Variants in TSPAN7 observed in about 807,000 individuals in gnomAD.
TSPAN7 encodes tetraspanin-7.
TSPAN7 carries 1 observed loss-of-function variant against 17.6 expected under a neutral mutation model. That is an observed-to-expected ratio of 0.06 (90% CI 0.02 to 0.27). The LOEUF is 0.27. TSPAN7 is among the 10% of genes least tolerant of loss of function. The probability of loss-of-function intolerance (pLI) is 1.00; values close to 1 mark genes in which losing one functional copy is unlikely to be tolerated. For missense variants in TSPAN7, 112 were observed against 201.7 expected (o/e 0.56, Z 2.69); for synonymous variants, 78 against 79.0 (o/e 0.99, Z 0.07).
chrX:38,680,310 G>GGT (rs1556002315), intron 5 of TSPAN7, among the ~76,000 whole-genome samples: 1 of 107,916 alleles, frequency 9.3e-6, no homozygotes, highest in Admixed American at 9.8e-5. Context: ...AACATGGCTG[G>GGT]TTTTTTTTTT....
At chrX:38,615,611 G>A (rs895132222) in intron 1 of TSPAN7, among the ~76,000 whole-genome samples, 3 of 111,677 alleles carry the variant, frequency 2.7e-5, no homozygotes, top group Non-Finnish European at 5.7e-5. Flanking sequence ...TTACTGTATT[G>A]GTTTTCAAAT....
At chrX:38,576,292 G>A (rs1264269886) in intron 1 of TSPAN7, among the ~76,000 whole-genome samples, 2 of 111,505 alleles carry the variant, frequency 1.8e-5, no homozygotes, top group Non-Finnish European at 3.8e-5. Context: ...ATGAAGAAAG[G>A]CTCATGATTT....
intron 1 of TSPAN7, chrX:38,612,707 C>G (rs375114281): frequency 2.1e-4 from 23 of 111,940 alleles, no homozygotes; most frequent in African/African-American, 7.5e-4. Flanking sequence ...AATGTCTATT[C>G]TACTATCATA....
intron 1 of TSPAN7, among the ~76,000 whole-genome samples, chrX:38,655,360 C>A (rs1038802786): frequency 5.4e-5 from 6 of 111,025 alleles, no homozygotes; most frequent in African/African-American, 2.0e-4. Context: ...TTTCATAGTA[C>A]TCTGTCAATA....
At chrX:38,661,631 C>T (rs1286840668) in intron 1 of TSPAN7, among the ~76,000 whole-genome samples, 1 of 111,812 alleles carries the variant, frequency 8.9e-6, no homozygotes, top group Non-Finnish European at 1.9e-5. Context: ...TATCCACGGT[C>T]TCCTATCTCT....
In TSPAN7 at chrX:38,638,032, A is replaced by C. The variant is rs373922258; in HGVS notation, c.82-28089A>C. Among the ~76,000 whole-genome samples, 3 of 109,671 alleles carry C rather than the reference A, an allele frequency of 2.7e-5. No homozygotes were observed. In the East Asian group the frequency reaches 8.6e-4, roughly 31 times the overall value. On this transcript the variant is annotated intron_variant, in intron 1 of 7. Transcript: ENST00000378482. ...GGCAGCCACCCATGATTGGCCTATT[A>C]ATGAAAGTGTTAAGGATTCCACACT... is the stretch of plus-strand genomic sequence containing the variant.
chrX:38,681,002 G>A (rs1362872808), intron 5 of TSPAN7, among the ~76,000 whole-genome samples: 1 of 112,088 alleles, frequency 8.9e-6, no homozygotes, highest in Non-Finnish European at 1.9e-5. Context: ...GAAGGGTCAT[G>A]TGTCTCTGTA....
At chrX:38,676,729 G>A (rs2069856151) in intron 5 of TSPAN7, among the ~76,000 whole-genome samples, 1 of 111,845 alleles carries the variant, frequency 8.9e-6, no homozygotes, top group African/African-American at 3.2e-5. Flanking sequence ...ACCAGCTACT[G>A]AATAATTCAG....
chrX:38,617,610 G>A (rs1465157260), intron 1 of TSPAN7, among the ~76,000 whole-genome samples: 4 of 112,357 alleles, frequency 3.6e-5, no homozygotes, highest in South Asian at 7.4e-4. Flanking sequence ...AGACTGGTTC[G>A]GTAGGTCTCA....
At chrX:38,614,454 A>C (rs1247476686) in intron 1 of TSPAN7, among the ~76,000 whole-genome samples, 2 of 112,665 alleles carry the variant, frequency 1.8e-5, no homozygotes, top group Non-Finnish European at 3.7e-5. Context: ...TTGTGTTTTG[A>C]AACCCTGTGA....
intron 2 of TSPAN7, among the ~76,000 whole-genome samples, chrX:38,667,244 T>C (rs2069789187): frequency 8.9e-6 from 1 of 112,096 alleles, no homozygotes; most frequent in African/African-American, 3.2e-5. Flanking sequence ...AAGGGCAGAC[T>C]ATTGAAAGGC....
chrX:38,642,612 C>T (rs1397027777), intron 1 of TSPAN7, among the ~76,000 whole-genome samples: 3 of 112,084 alleles, frequency 2.7e-5, no homozygotes, highest in Non-Finnish European at 5.6e-5. Flanking sequence ...CAAACCAAGG[C>T]TCCTGCTACT....
intron 6 of TSPAN7, among the ~76,000 whole-genome samples, chrX:38,682,873 C>T (rs761489731): frequency 8.9e-6 from 1 of 112,086 alleles, no homozygotes; most frequent in Admixed American, 9.4e-5. Context: ...ATCCCCAAAC[C>T]CTGGTGACTG....
At chrX:38,646,952 C>T (rs760173275) in intron 1 of TSPAN7, among the ~76,000 whole-genome samples, 1 of 111,387 alleles carries the variant, frequency 9.0e-6, no homozygotes, top group South Asian at 3.8e-4. Context: ...TTAGGAAGAA[C>T]AGTGCTAATG....
chrX:38,592,581 A>T (rs925916012), intron 1 of TSPAN7, among the ~76,000 whole-genome samples: 7 of 111,087 alleles, frequency 6.3e-5, no homozygotes, highest in Non-Finnish European at 9.4e-5. Flanking sequence ...CATAGTATAC[A>T]TATTTAACTT....
At chrX:38,614,706 G>A (rs1254313631) in intron 1 of TSPAN7, among the ~76,000 whole-genome samples, 1 of 112,666 alleles carries the variant, frequency 8.9e-6, no homozygotes, top group Non-Finnish European at 1.9e-5. Context: ...GTGGCTGAAG[G>A]TCATTCATGG....
intron 1 of TSPAN7, among the ~76,000 whole-genome samples, chrX:38,569,106 T>C (rs942454291): frequency 9.0e-6 from 1 of 111,442 alleles, no homozygotes; most frequent in Non-Finnish European, 1.9e-5. Context: ...TGTTTTGCTC[T>C]TTTTTCTGTA....
At chrX:38,583,248 C>T (rs914199284) in intron 1 of TSPAN7, among the ~76,000 whole-genome samples, 5 of 112,334 alleles carry the variant, frequency 4.5e-5, no homozygotes, top group Non-Finnish European at 7.5e-5. Flanking sequence ...TAGCGAATCT[C>T]GCTTGTCTTC....
intron 1 of TSPAN7, among the ~76,000 whole-genome samples, chrX:38,592,303 G>A (rs1398522561): frequency 9.0e-6 from 1 of 111,411 alleles, no homozygotes; most frequent in Admixed American, 9.5e-5. Context: ...TGTCTTTCTT[G>A]TAGCCAGCAT....
Sources: gnomAD v4.1 joint callset for allele counts (sites outside exome capture counted in the v4.1 genomes callset) on GRCh38, gnomAD v4.1.1 for gene constraint, MANE v1.5 for transcripts, NCBI Gene and HGNC (gene_info 2026-07-23, HGNC 2026-07-21) for gene names.